Variants in VMP1 observed in about 807,000 individuals in gnomAD.
VMP1 encodes vacuole membrane protein 1, also known as ectopic P-granules autophagy protein 3 homolog.
A neutral mutation model predicts 56.0 loss-of-function variants in VMP1; 11 were observed. That is an observed-to-expected ratio of 0.20 (90% confidence interval 0.12 to 0.32). The LOEUF (loss-of-function observed/expected upper bound fraction) is 0.32, where lower values mean the gene tolerates loss of function less well. Ranked by LOEUF, VMP1 falls within the 10% of genes least tolerant of loss-of-function variation. The pLI, the probability that VMP1 is intolerant of heterozygous loss-of-function variation, is 1.00. For synonymous variants in VMP1, 149 were observed against 165.0 expected (o/e 0.90, Z 0.74); for missense variants, 296 against 490.3 (o/e 0.60, Z 3.74).
intron 3 of VMP1, among the ~76,000 whole-genome samples, chr17:59,736,264 G>T (rs191242342): frequency 6.7e-6 from 1 of 150,056 alleles, no homozygotes; most frequent in African/African-American, 2.5e-5. Flanking sequence ...TTAGCCGGGC[G>T]TGGTGGCATG....
intron 5 of VMP1, among the ~76,000 whole-genome samples, chr17:59,745,724 C>T (rs1458118773): frequency 6.6e-6 from 1 of 152,156 alleles, no homozygotes; most frequent in Non-Finnish European, 1.5e-5. Context: ...GCTGATGAAA[C>T]AGGCACCTCT....
chr17:59,719,316 C>CACAA (rs3064258), intron 1 of VMP1, among the ~76,000 whole-genome samples: 38,425 of 150,434 alleles, frequency 0.26, 5,237 homozygotes, highest in East Asian at 0.44. Flanking sequence ...AAGACCCTGT[C>CACAA]ACAAACAAAC....
At chr17:59,785,274 G>A (rs2036968395) in intron 7 of VMP1, among the ~76,000 whole-genome samples, 1 of 152,196 alleles carries the variant, frequency 6.6e-6, no homozygotes, top group South Asian at 2.1e-4. Context: ...TTCTCACAGT[G>A]TTAGGTTGCT....
chr17:59,806,715 CAA>C (rs5821281), intron 7 of VMP1, among the ~76,000 whole-genome samples: 9 of 120,752 alleles, frequency 7.5e-5, no homozygotes, highest in African/African-American at 1.2e-4. Flanking sequence ...AAGTTTGTCT[CAA>C]AAAAAAAAAA....
intron 7 of VMP1, among the ~76,000 whole-genome samples, chr17:59,792,431 A>G (rs1568156585): frequency 6.6e-6 from 1 of 152,158 alleles, no homozygotes; most frequent in African/African-American, 2.4e-5. Flanking sequence ...CTTAGTTTTC[A>G]TAGCTTTGCT....
At chr17:59,772,576 C>G (rs1377210419) in intron 6 of VMP1, among the ~76,000 whole-genome samples, 1 of 151,648 alleles carries the variant, frequency 6.6e-6, no homozygotes, top group Non-Finnish European at 1.5e-5. Context: ...CGAGACCAGC[C>G]TGGCCAACAT....
intron 5 of VMP1, among the ~76,000 whole-genome samples, chr17:59,757,857 CA>C (rs760423048): frequency 2.6e-4 from 20 of 76,166 alleles, no homozygotes; most frequent in African/African-American, 6.4e-4. Flanking sequence ...CTTTATTTGC[CA>C]CTTTTTTTTT....
chr17:59,788,816 AAAAG>A (rs1360256645), intron 7 of VMP1, among the ~76,000 whole-genome samples: 6 of 151,936 alleles, frequency 3.9e-5, no homozygotes, highest in South Asian at 2.1e-4. Context: ...AAAAAAAAAA[AAAAG>A]AAAGAAAGAA....
intron 9 of VMP1, 45 bp downstream of exon 9, chr17:59,811,831 T>A (rs2063353): frequency 7.8e-7 from 1 of 1,280,152 alleles, no homozygotes; most frequent in Non-Finnish European, 1.1e-6. Flanking sequence ...ATGAACCCAT[T>A]ACAAGACAAT....
intron 6 of VMP1, among the ~76,000 whole-genome samples, chr17:59,768,723 C>A (rs2036321113): frequency 6.6e-6 from 1 of 152,102 alleles, no homozygotes; most frequent in South Asian, 2.1e-4. Flanking sequence ...TGGCTCACGC[C>A]TGTAATCTCA....
At chr17:59,803,136 A>T (rs1280177523) in intron 7 of VMP1, among the ~76,000 whole-genome samples, 1 of 152,228 alleles carries the variant, frequency 6.6e-6, no homozygotes, top group Admixed American at 6.6e-5. Flanking sequence ...GTTACTTCGT[A>T]TATTTACATT....
chr17:59,721,009 C>G (rs2034372480), intron 1 of VMP1, among the ~76,000 whole-genome samples: 1 of 148,322 alleles, frequency 6.7e-6, no homozygotes, highest in Admixed American at 6.8e-5. Flanking sequence ...GAGAAGCTAA[C>G]TTGTTGAGAG....
intron 10 of VMP1, among the ~76,000 whole-genome samples, chr17:59,829,512 C>T (rs2038746773): frequency 6.6e-6 from 1 of 152,148 alleles, no homozygotes; most frequent in Admixed American, 6.5e-5. Context: ...CCCAGGGAAA[C>T]TGGTGGTTAA....
intron 5 of VMP1, among the ~76,000 whole-genome samples, chr17:59,755,034 T>C (rs1392285612): frequency 7.3e-6 from 1 of 136,288 alleles, no homozygotes; most frequent in Non-Finnish European, 1.5e-5. Flanking sequence ...TTCTCTTGAA[T>C]ACTTAAGTCA....
At chr17:59,812,965 C>A (rs1443216577) in intron 9 of VMP1, among the ~76,000 whole-genome samples, 2 of 152,004 alleles carry the variant, frequency 1.3e-5, no homozygotes, top group Non-Finnish European at 2.9e-5. Context: ...AGTTCTCTGC[C>A]CTTGTATGAT....
chr17:59,784,142 T>TGTGTGTGTGTGTGAGAGAGA (rs556387089), intron 7 of VMP1, among the ~76,000 whole-genome samples: 1 of 130,376 alleles, frequency 7.7e-6, no homozygotes, highest in African/African-American at 3.0e-5. Flanking sequence ...TGTGTGTGTG[T>TGTGTGTGTGTGTGAGAGAGA]GAGAGAGAGA....
At chr17:59,771,044 C>T (rs139218984) in intron 6 of VMP1, among the ~76,000 whole-genome samples, 9 of 150,976 alleles carry the variant, frequency 6.0e-5, no homozygotes, top group East Asian at 3.9e-4. Context: ...ATTTCTATCA[C>T]GAGATACAAT....
At chr17:59,763,543 G>A (rs1218517041) in intron 5 of VMP1, among the ~76,000 whole-genome samples, 1 of 151,932 alleles carries the variant, frequency 6.6e-6, no homozygotes, top group African/African-American at 2.4e-5. Context: ...TCATTTTTTA[G>A]GTATTATTTT....
In VMP1 at chr17:59,759,203, A is replaced by G. The variant is rs567062469; in HGVS notation, c.415-5768A>G. 3.3e-5 allele frequency among the ~76,000 whole-genome samples: 5 copies of G among 152,288 alleles called. No individual in the cohort carries two copies. In the East Asian group the frequency reaches 7.7e-4, roughly 24 times the overall value. ...AGCCTGACCAACATGGTGAAACCAC[A>G]TCTCTACCAAAAATACAAAAATTAG... On this transcript the variant is annotated intron_variant, in intron 5 of 11. Transcript: ENST00000262291.
Sources: gnomAD v4.1 joint callset for allele counts (sites outside exome capture counted in the v4.1 genomes callset) on GRCh38, gnomAD v4.1.1 for gene constraint, MANE v1.5 for transcripts, NCBI Gene and HGNC (gene_info 2026-07-23, HGNC 2026-07-21) for gene names.